The following NTMT1 variants were observed in gnomAD, a reference collection of about 807,000 sequenced individuals.
NTMT1 encodes N-terminal Xaa-Pro-Lys N-methyltransferase 1.
A neutral mutation model predicts 17.5 loss-of-function variants in NTMT1; 8 were observed. The observed-to-expected ratio is 0.46, with a 90% CI of 0.27 to 0.82. NTMT1 has a LOEUF of 0.82. Among genes scored for constraint, NTMT1 ranks in the 40% least tolerant of loss-of-function variants. NTMT1 has a pLI of 0.15. For synonymous variants in NTMT1, 128 were observed against 126.8 expected (o/e 1.01, Z -0.06); for missense variants, 221 against 303.5 (o/e 0.73, Z 2.02).
chr9:129,632,833 A>G lies in NTMT1; in HGVS notation c.130A>G (p.Ser44Gly), dbSNP rs753552356. 7 of 1,614,158 alleles carry G rather than the reference A, an allele frequency of 4.3e-6. No homozygotes were observed. The East Asian group carries it at 8.9e-5, about 21-fold the overall frequency. Residue 44 changes from serine (S) to glycine (G), a missense_variant, in exon 2 of 4, where the codon AGC (serine) becomes GGC (glycine). By Grantham distance (56) the Ser-to-Gly change is moderately conservative. Coordinates refer to ENST00000372483, the MANE Select transcript of NTMT1 (RefSeq NM_014064.4). ...CCACATCTCCAGCATCGACATCAAC[A>G]GCTCCCGGAAGTTTCTGCAGAGGTT... ...YGHISSIDIN[S>G]SRKFLQRFLR...
Position 129,613,643 on chromosome 9 carries a change from A to G in NTMT1, c.-55+4465A>G, listed in dbSNP as rs1367264292. 6.2e-7 allele frequency: 1 copy of G among 1,609,014 alleles called. No homozygotes were observed. The highest frequency in any genetic ancestry group is 8.5e-7 in the Non-Finnish European group (1 of 1,177,022). ...TGAGATCTCTGCCCAGGAGGAGGGC[A>G]CTGGTGCCCCCACCCTCTTTTCCTC... is the stretch of plus-strand genomic sequence containing the variant. On this transcript the variant is annotated intron_variant, in intron 1 of 3. Coordinates refer to the NTMT1 transcript ENST00000372486. This position sits in a 1 kb window ranked among gnomAD's most constrained non-coding sequence, Gnocchi z 6.2.
chr9:129,635,076 C>G (rs1831450631), intron 3 of NTMT1, 132 bp from the exon 4 acceptor site: 1 of 1,031,928 alleles, frequency 9.7e-7, no homozygotes, highest in African/African-American at 1.6e-5. Flanking sequence ...GGACTGAGAG[C>G]CAATGAGGCC....
chr9:129,632,809 C>T lies in NTMT1; in HGVS notation c.106C>T (p.His36Tyr). The T allele has an allele frequency of 6.2e-7, 1 of 1,614,148 alleles. No individual in the cohort carries two copies. Among genetic ancestry groups the T allele is most frequent in the Non-Finnish European group, 8.5e-7 (1 of 1,180,012 alleles). Residue 36 changes from histidine (H) to tyrosine (Y), a missense_variant, in exon 2 of 4, where the codon CAC becomes TAC. By Grantham distance (83) the His-to-Tyr change is moderately conservative. Coordinates refer to ENST00000372483, the MANE Select transcript of NTMT1 (RefSeq NM_014064.4). ...TVDGMLGGYG[H>Y]ISSIDINSSR... ...GGACGGCATGCTTGGGGGGTATGGC[C>T]ACATCTCCAGCATCGACATCAACAG...
intron 1 of NTMT1, chr9:129,615,777 A>G (rs1433091520): frequency 4.8e-6 from 5 of 1,042,636 alleles, no homozygotes; most frequent in Non-Finnish European, 6.4e-6. Flanking sequence ...GATAACGCCA[A>G]TCACAGCAGC....
upstream of NTMT1, among the ~76,000 whole-genome samples, chr9:129,624,623 T>C (rs1383780546): frequency 6.6e-6 from 1 of 152,148 alleles, no homozygotes; most frequent in African/African-American, 2.4e-5. Flanking sequence ...AACACCAGGA[T>C]AGTATTATTA....
chr9:129,633,287 C>A, intron 2 of NTMT1: 1 of 333,966 alleles, frequency 3.0e-6, no homozygotes, highest in Admixed American at 4.8e-5. Context: ...CTGGGACCCC[C>A]AGTCCTGGAG....
In NTMT1 at chr9:129,635,622, G is replaced by C; in HGVS notation, c.*158G>C. Reference sequence around the variant, plus strand: ...TCATTATGCGGGCTCTTCTTCAAAAGGCAAGGTGGGACCCGGCGGGGAGGG... The same window carrying C: ...TCATTATGCGGGCTCTTCTTCAAAACGCAAGGTGGGACCCGGCGGGGAGGG... On this transcript the variant is annotated 3_prime_UTR_variant, in exon 4 of 4. Transcript: ENST00000372483. The C allele has an allele frequency of 2.1e-6, 2 of 934,198 alleles. No individual in the cohort carries two copies. The highest frequency in any genetic ancestry group is 3.3e-5 in the South Asian group (2 of 61,320). 57.9% of individuals were successfully genotyped at this position (934,198 alleles called of 1,614,324 possible).
chr9:129,612,375 G>C (rs1263191306), intron 1 of NTMT1: 4 of 1,613,766 alleles, frequency 2.5e-6, no homozygotes, highest in Non-Finnish European at 3.4e-6. Context: ...CAGTGTTGCG[G>C]AGGCCAGGAG....
intron 1 of NTMT1, among the ~76,000 whole-genome samples, chr9:129,611,768 T>C (rs1564330737): frequency 6.6e-6 from 1 of 152,066 alleles, no homozygotes; most frequent in South Asian, 2.1e-4. Context: ...TTGCTTGTTT[T>C]TTGAGACAAG....
chr9:129,619,709 C>T (rs200530003), intron 1 of NTMT1: 11 of 1,612,498 alleles, frequency 6.8e-6, no homozygotes, highest in Non-Finnish European at 8.5e-6. Flanking sequence ...ATGGCAACCC[C>T]GTCCCCACCA....
At chr9:129,623,168 C>T (rs1163884582), upstream of NTMT1, among the ~76,000 whole-genome samples, 1 of 151,994 alleles carries the variant, frequency 6.6e-6, no homozygotes, top group Non-Finnish European at 1.5e-5. Flanking sequence ...CCTGTCTCTA[C>T]TAAAAATACA....
intron 1 of NTMT1, chr9:129,615,532 C>G (rs142148319): frequency 3.1e-6 from 5 of 1,611,006 alleles, no homozygotes; most frequent in South Asian, 1.1e-5. Context: ...TGCAGGGTCT[C>G]GTCAGCGAAT....
In NTMT1 at chr9:129,613,147, C is replaced by G; in HGVS notation, c.-55+3969C>G. On this transcript the variant is annotated intron_variant, in intron 1 of 3. Coordinates refer to the NTMT1 transcript ENST00000372486. The surrounding 1 kb of genome is among the most constrained non-coding windows in gnomAD (Gnocchi z 6.2). The stretch of plus-strand genomic sequence containing the variant: ...GTGCGGGTCCAAGAAGGCTCGGAGG[C>G]TGCTTCGCGGCCTCTGAGCAGCGGC... 6.2e-7 allele frequency: 1 copy of G among 1,613,888 alleles called. No individual in the cohort carries two copies. The highest frequency in any genetic ancestry group is 8.5e-7 in the Non-Finnish European group (1 of 1,180,010).
upstream of NTMT1, among the ~76,000 whole-genome samples, chr9:129,621,725 C>A (rs571796972): frequency 2.0e-5 from 3 of 152,258 alleles, no homozygotes; most frequent in African/African-American, 7.2e-5. Context: ...GTCTTACTCC[C>A]AGCTCTGACA....
At chr9:129,627,694 GTCT>G (rs2118926301) in intron 1 of NTMT1, among the ~76,000 whole-genome samples, 1 of 152,278 alleles carries the variant, frequency 6.6e-6, no homozygotes, top group East Asian at 1.9e-4. Flanking sequence ...CCCCTGTTTT[GTCT>G]TCTTCCCTCC....
At chr9:129,634,899 C>G (rs1046879426) in intron 3 of NTMT1, 45 of 375,304 alleles carry the variant, frequency 1.2e-4, no homozygotes, top group African/African-American at 8.5e-4. Flanking sequence ...CCCAGGTTCA[C>G]TCCTCCGATC....
chr9:129,617,425 CTCG>C (rs1235283440), intron 1 of NTMT1, among the ~76,000 whole-genome samples: 3 of 152,228 alleles, frequency 2.0e-5, no homozygotes, highest in African/African-American at 7.2e-5. Context: ...AGCATCTTCA[CTCG>C]AGGGCCACTG....
At chr9:129,619,851 T>C (rs995833600) in intron 1 of NTMT1, 1 of 1,611,826 alleles carries the variant, frequency 6.2e-7, no homozygotes, top group East Asian at 2.2e-5. Context: ...GAGGAAACAG[T>C]TGTGAGCCTT....
At position 129,618,823 on chromosome 9, in the gene NTMT1, G is replaced by A. The variant is rs184454728; in HGVS notation, c.-55+9645G>A. Among the ~76,000 whole-genome samples the A allele has an allele frequency of 3.9e-3, 589 of 151,364 alleles. 16 individuals carry two copies. In the East Asian group the frequency reaches 0.065, roughly 17 times the overall value. On this transcript the variant is annotated intron_variant, in intron 1 of 3. Coordinates refer to the NTMT1 transcript ENST00000372486. ...TTCTCTCGCCTCAGCCTCCCGAGTA[G>A]CTGGGACTACAGGCGCCCGCCACCA...
Sources: allele counts gnomAD v4.1 joint callset (sites outside exome capture counted in the v4.1 genomes callset), GRCh38; gene constraint gnomAD v4.1.1; non-coding constraint Gnocchi (gnomAD v3.1); transcripts MANE v1.5; gene names NCBI Gene and HGNC (gene_info 2026-07-23, HGNC 2026-07-21).